The following RASGRP3 variants were observed in gnomAD, a reference collection of about 807,000 sequenced individuals.
The protein encoded by RASGRP3 is RAS guanyl releasing protein 3.
RASGRP3 carries 54 observed loss-of-function variants against 82.7 expected under a neutral mutation model. The observed-to-expected ratio is 0.65, with a 90% CI of 0.52 to 0.82. The LOEUF (loss-of-function observed/expected upper bound fraction) is 0.82. Among genes scored for constraint, RASGRP3 ranks in the 40% least tolerant of loss-of-function variants. RASGRP3 has a pLI of 0.00. For missense variants in RASGRP3, 861 were observed against 828.9 expected, an observed-to-expected ratio of 1.04 and a Z score of -0.48; for synonymous variants, 309 against 300.5, an observed-to-expected ratio of 1.03 and a Z score of -0.29.
chr2:33,527,638 G>T (rs1672711927), intron 10 of RASGRP3, among the ~76,000 whole-genome samples: 1 of 152,218 alleles, frequency 6.6e-6, no homozygotes, highest in Non-Finnish European at 1.5e-5. Context: ...GAGGGGCCCA[G>T]TCTCTGCCAT....
rs6728042 is a variant in RASGRP3, at chr2:33,461,675, A to T, written c.-261+13732A>T. 7.0e-3 allele frequency among the ~76,000 whole-genome samples: 1,066 copies of T among 152,350 alleles called. 13 individuals are homozygous for T. The highest frequency in any genetic ancestry group is 0.023 in the African/African-American group (955 of 41,568). ...CTTGTAGCAATAATGTTAGATCCTCATTCCTCAGCAGATTCTTACTCTGCT... is the reference window on the plus strand; with the variant it reads ...CTTGTAGCAATAATGTTAGATCCTCTTTCCTCAGCAGATTCTTACTCTGCT... On this transcript the variant is annotated intron_variant, in intron 2 of 18. Coordinates refer to the RASGRP3 transcript ENST00000402538.
At chr2:33,488,093 C>G (rs201874674) in intron 1 of RASGRP3, among the ~76,000 whole-genome samples, 2 of 152,198 alleles carry the variant, frequency 1.3e-5, no homozygotes, top group East Asian at 3.8e-4. Context: ...CAATTCATGG[C>G]TGATTCTTAC....
chr2:33,562,959 T>TAAGTG lies in RASGRP3; in HGVS notation c.*223_*227dup, dbSNP rs1676852207. 5 of 612,546 alleles carry TAAGTG rather than the reference T, an allele frequency of 8.2e-6. No individual in the cohort carries two copies. Among genetic ancestry groups the TAAGTG allele is most frequent in the African/African-American group, 7.6e-5 (4 of 52,864 alleles). 37.9% of individuals were successfully genotyped at this position (612,546 alleles called of 1,614,324 possible). On this transcript the variant is annotated 3_prime_UTR_variant, in exon 18 of 18. Coordinates refer to ENST00000403687, the MANE Select transcript of RASGRP3 (RefSeq NM_001139488.2). ...TATTTCCTCCTCCCCTACCCCTAGT[T>TAAGTG]AAGTGCCACAAAGACTGTGTTATGT...
rs1176563188 is a variant in RASGRP3, at chr2:33,450,818, CTTTCTTTTTTTTTTTTTTTTTT to C, written c.-261+2879_-261+2900del. ...CTTTTCTTTCTTTTTCTCTTTCTTT[CTTTCTTTTTTTTTTTTTTTTTT>C]TTTTTTTTTTTTTTTGAGACAGAGT... On this transcript the variant is annotated intron_variant, in intron 2 of 18. Coordinates refer to the RASGRP3 transcript ENST00000402538. Among the ~76,000 whole-genome samples the C allele has an allele frequency of 1.2e-4, 5 of 43,412 alleles. No homozygotes were observed. The East Asian group carries it at 2.0e-3, about 18-fold the overall frequency. 28.5% of individuals were successfully genotyped at this position (43,412 alleles called of 152,430 possible).
At chr2:33,551,002 C>G (rs1219329600) in intron 14 of RASGRP3, among the ~76,000 whole-genome samples, 1 of 152,122 alleles carries the variant, frequency 6.6e-6, no homozygotes, top group East Asian at 1.9e-4. Context: ...ATTGCATGAC[C>G]AGACCATTTT....
chr2:33,551,891 G>C (rs1675400389), intron 14 of RASGRP3, among the ~76,000 whole-genome samples: 1 of 152,160 alleles, frequency 6.6e-6, no homozygotes, highest in Non-Finnish European at 1.5e-5. Flanking sequence ...TACTCAGGAG[G>C]CTGAGGCAGG....
chr2:33,449,048 A>T (rs1419486717), intron 2 of RASGRP3, among the ~76,000 whole-genome samples: 1 of 152,214 alleles, frequency 6.6e-6, no homozygotes, highest in African/African-American at 2.4e-5. Context: ...CATGTTTTTC[A>T]AATTATGCAT....
chr2:33,525,699 C>CCA (rs1220564868), intron 9 of RASGRP3, among the ~76,000 whole-genome samples: 2 of 54,396 alleles, frequency 3.7e-5, no homozygotes, highest in Non-Finnish European at 6.0e-5. Flanking sequence ...CCTGTCTCTA[C>CCA]AAAAAAAAAA....
chr2:33,475,602 C>T (rs570866002), upstream of RASGRP3, among the ~76,000 whole-genome samples: 8 of 152,270 alleles, frequency 5.3e-5, no homozygotes, highest in South Asian at 1.7e-3. Flanking sequence ...CAGGCTCAGA[C>T]ACTGATTCGG....
intron 2 of RASGRP3, among the ~76,000 whole-genome samples, chr2:33,467,556 CA>C (rs1312862457): frequency 7.2e-5 from 11 of 152,172 alleles, no homozygotes; most frequent in Non-Finnish European, 1.5e-5. Flanking sequence ...ATGTTGCATA[CA>C]AAGTCTCCTA....
At chr2:33,459,173 T>C (rs1014709401) in intron 2 of RASGRP3, among the ~76,000 whole-genome samples, 16 of 152,154 alleles carry the variant, frequency 1.1e-4, no homozygotes, top group Non-Finnish European at 2.1e-4. Flanking sequence ...GTCGCTCTGT[T>C]GCCCAGGCTG....
At chr2:33,443,704 G>A (rs1237600322) in intron 1 of RASGRP3, among the ~76,000 whole-genome samples, 2 of 128,204 alleles carry the variant, frequency 1.6e-5, no homozygotes, top group Non-Finnish European at 3.2e-5. Flanking sequence ...GTGAGATCCT[G>A]TCTCTAAAAA....
intron 2 of RASGRP3, among the ~76,000 whole-genome samples, chr2:33,471,430 C>A (rs1443035282): frequency 6.6e-6 from 1 of 150,882 alleles, no homozygotes; most frequent in Non-Finnish European, 1.5e-5. Flanking sequence ...GATCCTGCCA[C>A]CTTGGCCTCC....
intron 1 of RASGRP3, among the ~76,000 whole-genome samples, chr2:33,495,565 T>C (rs1414766406): frequency 2.0e-5 from 3 of 152,014 alleles, no homozygotes; most frequent in African/African-American, 7.3e-5. Context: ...GAAGATATTA[T>C]AATGATGTAA....
In RASGRP3 at chr2:33,527,204, C is replaced by A; in HGVS notation, c.875C>A (p.Ala292Asp). ...GNYCNYRKAF[A>D]DCDGFKIPIL... ...TACTGCAATTACCGCAAGGCCTTTG[C>A]CGACTGCGATGGCTTCAAAATCCCC... The change falls in exon 10 of 18, where the codon GCC becomes GAC. Residue 292 changes from alanine (A) to aspartate (D), a missense_variant. Transcript: ENST00000403687. 6.2e-7 allele frequency: 1 copy of A among 1,614,032 alleles called. No individual in the cohort carries two copies. The highest frequency in any genetic ancestry group is 1.7e-5 in the Admixed American group (1 of 60,028).
At chr2:33,561,934 T>A (rs1341023890) in intron 17 of RASGRP3, among the ~76,000 whole-genome samples, 1 of 152,210 alleles carries the variant, frequency 6.6e-6, no homozygotes, top group Non-Finnish European at 1.5e-5. Context: ...TTCTTTTGTT[T>A]TCCTTTATCT....
chr2:33,562,047 G>C (rs764074100), intron 17 of RASGRP3, among the ~76,000 whole-genome samples: 20 of 152,094 alleles, frequency 1.3e-4, no homozygotes, highest in Non-Finnish European at 2.4e-4. Context: ...AATATACATA[G>C]TCATACATAT....
chr2:33,498,224 C>A (rs1478469234), intron 1 of RASGRP3, among the ~76,000 whole-genome samples: 1 of 152,162 alleles, frequency 6.6e-6, no homozygotes, highest in Non-Finnish European at 1.5e-5. Context: ...AGCACTTTAC[C>A]TGTTATTAAC....
At chr2:33,450,157 T>G (rs373591698) in intron 2 of RASGRP3, among the ~76,000 whole-genome samples, 1 of 152,354 alleles carries the variant, frequency 6.6e-6, no homozygotes, top group South Asian at 2.1e-4. Flanking sequence ...TAAAACATGA[T>G]GTTTTGATAT....
Sources: allele counts gnomAD v4.1 joint callset (sites outside exome capture counted in the v4.1 genomes callset), GRCh38; gene constraint gnomAD v4.1.1; transcripts MANE v1.5; gene names NCBI Gene and HGNC (gene_info 2026-07-23, HGNC 2026-07-21).